Variants in PRR5 observed in about 807,000 individuals in gnomAD.
PRR5 encodes the protein proline-rich protein 5.
Under a neutral mutation model 30.6 loss-of-function variants are expected in PRR5, and 25 were observed. The observed-to-expected ratio is 0.82, with a 90% confidence interval of 0.60 to 1.14. The LOEUF (loss-of-function observed/expected upper bound fraction) is 1.14. Ranked by LOEUF, PRR5 falls within the 50% of genes most tolerant of loss-of-function variation. The pLI is 0.00. For missense variants in PRR5, 600 were observed against 547.1 expected (o/e 1.10, Z -0.96); for synonymous variants, 286 against 247.1 (o/e 1.16, Z -1.48).
intron 2 of PRR5, among the ~76,000 whole-genome samples, chr22:44,721,582 C>T (rs1319704714): frequency 2.0e-5 from 3 of 152,276 alleles, no homozygotes; most frequent in Admixed American, 2.0e-4. Flanking sequence ...AAGGAAGTAG[C>T]CTCCGGTCCT....
chr22:44,728,482 T>C lies in PRR5; in HGVS notation c.322+1848T>C, dbSNP rs3761477. 8.0e-4 allele frequency among the ~76,000 whole-genome samples: 122 copies of C among 152,166 alleles called. No individual in the cohort carries two copies. In the East Asian group the frequency reaches 0.023, roughly 29 times the overall value. ...ACAGACACGGACCCGAGGGTGACAG[T>C]TGAGTGTGATTAATGTCATTGTGAA... On this transcript the variant is annotated intron_variant, in intron 4 of 7. Transcript: ENST00000336985.
chr22:44,674,810 G>A (rs913190203), upstream of PRR5, among the ~76,000 whole-genome samples: 1 of 152,166 alleles, frequency 6.6e-6, no homozygotes, highest in African/African-American at 2.4e-5. Flanking sequence ...GCCGGGCATG[G>A]TGGCATACAC....
intron 1 of PRR5, among the ~76,000 whole-genome samples, chr22:44,712,053 C>T (rs1372191313): frequency 6.6e-6 from 1 of 152,074 alleles, no homozygotes; most frequent in African/African-American, 2.4e-5. Flanking sequence ...CCCAGGGCTT[C>T]TCACAGGGGA....
intron 1 of PRR5, among the ~76,000 whole-genome samples, chr22:44,689,412 C>A (rs1054434128): frequency 7.2e-5 from 11 of 152,190 alleles, no homozygotes; most frequent in African/African-American, 2.4e-4. Context: ...TATGGGATGA[C>A]CCCTGGGCAT....
intron 1 of PRR5, among the ~76,000 whole-genome samples, chr22:44,703,392 C>G (rs1926682269): frequency 6.6e-6 from 1 of 152,182 alleles, no homozygotes; most frequent in Non-Finnish European, 1.5e-5. Flanking sequence ...CGCGCCCACA[C>G]CTGGCAGTAA....
chr22:44,732,706 G>A (rs1039906618), intron 6 of PRR5, among the ~76,000 whole-genome samples: 9 of 151,800 alleles, frequency 5.9e-5, no homozygotes, highest in African/African-American at 1.7e-4. Context: ...TTGTGCACAC[G>A]CACATAGTAT....
Position 44,691,608 on chromosome 22 carries a change from T to C in PRR5, c.-10-10884T>C, listed in dbSNP as rs1407296837. Among the ~76,000 whole-genome samples the C allele has an allele frequency of 1.3e-5, 2 of 152,092 alleles. No homozygotes were observed. Among genetic ancestry groups the C allele is most frequent in the East Asian group, 1.9e-4 (1 of 5,176 alleles). Reference sequence around the variant, plus strand: ...GGCCAACATGGCAAAACCCCGTCTCTACTAAAAACACAAAAACTAGCCAGG... The same window carrying C: ...GGCCAACATGGCAAAACCCCGTCTCCACTAAAAACACAAAAACTAGCCAGG... On this transcript the variant is annotated intron_variant, in intron 1 of 8. Coordinates refer to the PRR5 transcript ENST00000006251. The surrounding 1 kb of genome is among the most constrained non-coding windows in gnomAD (Gnocchi z 4.4).
At chr22:44,702,012 G>A (rs1315990937), upstream of PRR5, among the ~76,000 whole-genome samples, 1 of 152,122 alleles carries the variant, frequency 6.6e-6, no homozygotes, top group Non-Finnish European at 1.5e-5. Flanking sequence ...GGGGAGGAGG[G>A]TGAGCACGTC....
In PRR5 at chr22:44,729,505, C is replaced by T. The variant is rs1921521050; in HGVS notation, c.323-2225C>T. The T allele has an allele frequency of 1.4e-5, 14 of 985,556 alleles. No homozygotes were observed. In the South Asian group the frequency reaches 3.8e-4, roughly 26 times the overall value. The allele number at this position is 985,556 out of a possible 1,614,324, so 61.1% of individuals were successfully genotyped here. On this transcript the variant is annotated intron_variant, in intron 4 of 7. Transcript: ENST00000336985. ...GCGCACACACCCGGCCCCGTCCTGC[C>T]GGCAGCAAACGCCCAGTGCTGTTTC... is the stretch of plus-strand genomic sequence containing the variant.
intron 1 of PRR5, among the ~76,000 whole-genome samples, chr22:44,712,775 G>C (rs150283072): frequency 1.2e-3 from 176 of 152,280 alleles, no homozygotes; most frequent in Non-Finnish European, 2.1e-3. Context: ...AGGAACCTTG[G>C]AGCTGCAGCT....
At chr22:44,725,411 C>A in intron 3 of PRR5, 119 bp downstream of exon 3, 1 of 1,406,908 alleles carries the variant, frequency 7.1e-7, no homozygotes, top group Non-Finnish European at 9.8e-7. Flanking sequence ...GCCTGCAGTT[C>A]CAAGGACCTG....
intron 1 of PRR5, among the ~76,000 whole-genome samples, chr22:44,702,972 A>C (rs1926586621): frequency 6.6e-6 from 1 of 152,042 alleles, no homozygotes; most frequent in South Asian, 2.1e-4. Flanking sequence ...AGCAGGAAGT[A>C]TTTTTCCCAT....
At chr22:44,678,675 T>A (rs2146937111) in intron 1 of PRR5, among the ~76,000 whole-genome samples, 1 of 152,328 alleles carries the variant, frequency 6.6e-6, no homozygotes, top group South Asian at 2.1e-4. Context: ...CCTGGCTGCC[T>A]CCTGTTCACC....
Position 44,737,204 on chromosome 22 carries a change from T to C in PRR5, c.1124T>C (p.Met375Thr), listed in dbSNP as rs112364339. 19 of 1,610,576 alleles carry C rather than the reference T, an allele frequency of 1.2e-5. No individual in the cohort carries two copies. In the African/African-American group the frequency reaches 2.0e-4, roughly 17 times the overall value. The change falls in exon 8 of 8, where the codon ATG (methionine) becomes ACG (threonine). Residue 375 changes from methionine to threonine, a missense_variant. Physicochemically the swap from Met to Thr is moderately conservative, Grantham distance 81 (BLOSUM62 -1). Transcript: ENST00000336985. Reference sequence around the variant, plus strand: ...TTTGGCCGGGGCCGGGGCTCTGGCATGTCCGACTTGGAGGGCTCTGGGGGC... The same window carrying C: ...TTTGGCCGGGGCCGGGGCTCTGGCACGTCCGACTTGGAGGGCTCTGGGGGC... ...IDFGRGRGSG[M>T]SDLEGSGGRQ... is the part of the protein sequence containing the mutation.
chr22:44,719,891 G>T (rs187285842), intron 2 of PRR5, among the ~76,000 whole-genome samples: 1 of 152,350 alleles, frequency 6.6e-6, no homozygotes, highest in African/African-American at 2.4e-5. Flanking sequence ...TGGATGGGAT[G>T]TCCCAGCCTC....
At position 44,724,850 on chromosome 22, in the gene PRR5, A is replaced by G. The variant is rs556996536; in HGVS notation, c.216-394A>G. The stretch of plus-strand genomic sequence containing the variant: ...ACTTGGGAAGAAGCTCTGCAGGCGG[A>G]GAGAGGAGGAGCCCGTGGCATCCGG... On this transcript the variant is annotated intron_variant, in intron 2 of 7. Transcript: ENST00000336985. Among the ~76,000 whole-genome samples the G allele has an allele frequency of 5.9e-5, 9 of 152,306 alleles. No homozygotes were observed. In the South Asian group the frequency reaches 1.5e-3, roughly 25 times the overall value.
intron 1 of PRR5, among the ~76,000 whole-genome samples, chr22:44,694,059 G>A (rs1295940486): frequency 6.6e-6 from 1 of 152,094 alleles, no homozygotes; most frequent in Non-Finnish European, 1.5e-5. Flanking sequence ...AGGTGCCAAG[G>A]GCTGGGACTT....
At chr22:44,733,471 C>A (rs1922615849) in intron 6 of PRR5, among the ~76,000 whole-genome samples, 1 of 152,188 alleles carries the variant, frequency 6.6e-6, no homozygotes, top group Admixed American at 6.5e-5. Context: ...CACTCGGGAC[C>A]CTCACAGGGC....
At position 44,736,982 on chromosome 22, in the gene PRR5, A is replaced by G; in HGVS notation, c.902A>G (p.Gln301Arg). The G allele has an allele frequency of 6.2e-7, 1 of 1,600,860 alleles. No homozygotes were observed. The highest frequency in any genetic ancestry group is 8.5e-7 in the Non-Finnish European group (1 of 1,174,190). The change falls in exon 8 of 8, where the codon CAG becomes CGG. Residue 301 changes from glutamine (Q) to arginine (R), a missense_variant. Gln to Arg is a conservative substitution (Grantham distance 43). Transcript: ENST00000336985. ...CAGGGCTTCTCCGACCCGCCCGGCC[A>G]GGGCCCCACCGGGACCTTCAGGTCC... ...EPQGFSDPPG[Q>R]GPTGTFRSSP...
Sources: gnomAD v4.1 joint callset for allele counts (sites outside exome capture counted in the v4.1 genomes callset) on GRCh38, gnomAD v4.1.1 for gene constraint, Gnocchi (gnomAD v3.1) non-coding constraint, MANE v1.5 for transcripts, NCBI Gene and HGNC (gene_info 2026-07-23, HGNC 2026-07-21) for gene names.